The following ALDH1L1 variants were observed in gnomAD, a reference collection of about 807,000 sequenced individuals.
ALDH1L1 encodes cytosolic 10-formyltetrahydrofolate dehydrogenase.
In ALDH1L1, 68 loss-of-function variants were observed where a neutral mutation model predicts 101.1. The observed-to-expected ratio is 0.67, with a 90% CI of 0.55 to 0.82. The LOEUF is 0.82. Among genes scored for constraint, ALDH1L1 ranks in the 40% least tolerant of loss-of-function variants. The pLI, the probability that ALDH1L1 is intolerant of heterozygous loss-of-function variation, is 0.00. For missense variants in ALDH1L1, 1,087 were observed against 1,172.7 expected (o/e 0.93, Z 1.07); for synonymous variants, 486 against 470.8 (o/e 1.03, Z -0.42).
At chr3:126,130,507 T>G in intron 13 of ALDH1L1, among the ~76,000 whole-genome samples, 1 of 152,222 alleles carries the variant, frequency 6.6e-6, no homozygotes, top group African/African-American at 2.4e-5. Flanking sequence ...TGGAAGCTGG[T>G]CCTGGTACCA....
intron 20 of ALDH1L1, among the ~76,000 whole-genome samples, chr3:126,109,610 G>A (rs572856435): frequency 1.3e-5 from 2 of 152,322 alleles, no homozygotes; most frequent in Non-Finnish European, 2.9e-5. Context: ...CGGCTGAGAG[G>A]TTAACAGCCA....
At chr3:126,116,605 G>A (rs1282253999) in intron 17 of ALDH1L1, among the ~76,000 whole-genome samples, 1 of 152,132 alleles carries the variant, frequency 6.6e-6, no homozygotes, top group Non-Finnish European at 1.5e-5. Context: ...TTTGAATTAG[G>A]AGAGGCAAAC....
intron 8 of ALDH1L1, 139 bp downstream of exon 8, chr3:126,150,267 G>A: frequency 1.5e-6 from 2 of 1,370,936 alleles, no homozygotes; most frequent in Non-Finnish European, 1.9e-6. Context: ...AGACGAGATA[G>A]AACCAACACT....
At chr3:126,177,462 C>T (rs974532151) in intron 1 of ALDH1L1, among the ~76,000 whole-genome samples, 8 of 151,980 alleles carry the variant, frequency 5.3e-5, no homozygotes, top group Non-Finnish European at 1.0e-4. Context: ...TCTGGAAAGG[C>T]TATATACCAT....
intron 7 of ALDH1L1, 116 bp from the exon 8 acceptor site, chr3:126,150,647 C>T (rs1387308255): frequency 5.3e-5 from 66 of 1,253,064 alleles, no homozygotes; most frequent in Middle Eastern, 3.0e-4. Context: ...CTCCGCCTCC[C>T]GGGTTGAAGC....
chr3:126,186,713 G>T lies in ALDH1L1; in HGVS notation c.-24+11022C>A, dbSNP rs71327757. On this transcript the variant is annotated intron_variant, in intron 1 of 2. Transcript: ENST00000509952. ...CAAGTCAGAGGTAGAGAGGCCTGGG[G>T]CTGCAGCCCTCCCAGGTCAGACTCC... Among the ~76,000 whole-genome samples the T allele has an allele frequency of 8.2e-3, 1,254 of 152,312 alleles. 16 individuals carry two copies. The highest frequency in any genetic ancestry group is 0.013 in the Non-Finnish European group (882 of 68,034).
At chr3:126,145,970 T>C (rs943104687) in intron 9 of ALDH1L1, among the ~76,000 whole-genome samples, 2 of 152,122 alleles carry the variant, frequency 1.3e-5, no homozygotes, top group Admixed American at 1.3e-4. Context: ...GTGTCTGGCA[T>C]TCTTCTTCTT....
rs746109086 is a variant in ALDH1L1, at chr3:126,112,878, C to G, written c.2085G>C (p.Gly695=). ...CTTTGTTGAAGAAAACAGAACTCAT[C>G]CCCTTCAGAGAATGGACAAGAACAC... is the stretch of plus-strand genomic sequence containing the variant. ...DCDLNKAVQM[G]MSSVFFNKGE... The change falls in exon 19 of 23, where the codon GGG becomes GGC. Residue 695 remains glycine (G), a splice_region_variant and synonymous_variant. Coordinates refer to ENST00000393434, the MANE Select transcript of ALDH1L1 (RefSeq NM_012190.4). 1 of 1,613,098 alleles carries G rather than the reference C, an allele frequency of 6.2e-7. No individual in the cohort carries two copies. Among genetic ancestry groups the G allele is most frequent in the Admixed American group, 1.7e-5 (1 of 60,034 alleles).
At chr3:126,111,818 ACAACCT>A (rs1946087001) in intron 19 of ALDH1L1, among the ~76,000 whole-genome samples, 1 of 152,154 alleles carries the variant, frequency 6.6e-6, no homozygotes, top group Admixed American at 6.5e-5. Context: ...GCTGCTCTCC[ACAACCT>A]AGGGGCGGTG....
At chr3:126,127,488 G>A (rs531945045) in intron 14 of ALDH1L1, among the ~76,000 whole-genome samples, 3 of 152,232 alleles carry the variant, frequency 2.0e-5, no homozygotes, top group East Asian at 1.9e-4. Flanking sequence ...CTGCATGGAC[G>A]GTGAGGGTGG....
intron 22 of ALDH1L1, chr3:126,104,223 T>G (rs1945780844): frequency 3.9e-6 from 1 of 258,630 alleles, no homozygotes; most frequent in Non-Finnish European, 7.5e-6. Flanking sequence ...CATCAAGCTG[T>G]GGCTGGGAAA....
chr3:126,157,264 G>C (rs2080928515), intron 4 of ALDH1L1, 79 bp downstream of exon 4: 1 of 1,485,738 alleles, frequency 6.7e-7, no homozygotes, highest in African/African-American at 1.4e-5. Context: ...CTGGCCTCCA[G>C]GAGCGGTGGG....
At chr3:126,176,487 G>C (rs1221590703) in intron 1 of ALDH1L1, among the ~76,000 whole-genome samples, 1 of 152,190 alleles carries the variant, frequency 6.6e-6, no homozygotes, top group Non-Finnish European at 1.5e-5. Flanking sequence ...TAGTCAGATA[G>C]ATCAATTGAA....
chr3:126,161,019 G>T lies in ALDH1L1; in HGVS notation c.-23-17C>A. ...TGGAAGGACCTGGAGAAGGAATAAG[G>T]CAGCAATTAGACAGAGATCGCTGGT... On this transcript the variant is annotated splice_polypyrimidine_tract_variant and intron_variant, in intron 1 of 22. Transcript: ENST00000393434. 6.2e-7 allele frequency: 1 copy of T among 1,613,348 alleles called. No homozygotes were observed. The highest frequency in any genetic ancestry group is 8.5e-7 in the Non-Finnish European group (1 of 1,179,674).
intron 22 of ALDH1L1, 149 bp downstream of exon 22, chr3:126,105,577 G>T (rs1246641395): frequency 1.1e-6 from 1 of 892,596 alleles, no homozygotes; most frequent in East Asian, 2.5e-5. Context: ...CTTGTCACAA[G>T]TTCCCTCCCA....
At position 126,107,222 on chromosome 3, in the gene ALDH1L1, A is replaced by G. The variant is rs1446010822; in HGVS notation, c.2372T>C (p.Phe791Ser). The change falls in exon 21 of 23, where the codon TTC becomes TCC. Residue 791 changes from phenylalanine (F) to serine (S), a missense_variant. This residue lies in a region of ALDH1L1 where 442 missense variants were observed against 535.7 expected (regional missense o/e 0.83). Transcript: ENST00000393434. ...GAACATGTGGTCTTCCACGTCTGTG[A>G]AAACAGTTGGCTCAAAGAAGAACCC... Reference protein sequence around the residue: ...RPGFFFEPTVFTDVEDHMFIA... With the variant: ...RPGFFFEPTVSTDVEDHMFIA... 3 of 1,613,978 alleles carry G rather than the reference A, an allele frequency of 1.9e-6. No homozygotes were observed. Among genetic ancestry groups the G allele is most frequent in the Non-Finnish European group, 2.5e-6 (3 of 1,179,988 alleles).
chr3:126,153,603 G>C (rs766487380), intron 6 of ALDH1L1, 22 bp from the exon 7 acceptor site: 2 of 1,604,062 alleles, frequency 1.2e-6, no homozygotes, highest in Non-Finnish European at 1.7e-6. Flanking sequence ...AGAAATATCA[G>C]AAGATGGTGG....
At chr3:126,161,959 T>A (rs369138755) in intron 1 of ALDH1L1, among the ~76,000 whole-genome samples, 1 of 151,718 alleles carries the variant, frequency 6.6e-6, no homozygotes, top group East Asian at 1.9e-4. Context: ...CCCCTTTATA[T>A]GTATTCATTT....
intron 1 of ALDH1L1, among the ~76,000 whole-genome samples, chr3:126,194,432 G>T (rs1357624665): frequency 6.6e-6 from 1 of 152,154 alleles, no homozygotes; most frequent in Non-Finnish European, 1.5e-5. Context: ...ATTTTGGAAA[G>T]CCTATCAAAT....
Sources: allele counts gnomAD v4.1 joint callset (sites outside exome capture counted in the v4.1 genomes callset), GRCh38; gene constraint gnomAD v4.1.1; regional missense constraint gnomAD v4.1.1; transcripts MANE v1.5; gene names NCBI Gene and HGNC (gene_info 2026-07-23, HGNC 2026-07-21).